The following KIF6 variants were observed in gnomAD, a reference collection of about 807,000 sequenced individuals.
The protein encoded by KIF6 is kinesin-like protein KIF6.
In KIF6, 106 loss-of-function variants were observed where a neutral mutation model predicts 112.7. The ratio of observed to expected loss-of-function variants is 0.94; its 90% CI spans 0.80 to 1.11. The LOEUF is 1.11. Among genes scored for constraint, KIF6 ranks in the 50% least tolerant of loss-of-function variants. The probability of loss-of-function intolerance (pLI) is 0.00; values close to 1 mark genes in which losing one functional copy is unlikely to be tolerated. For synonymous variants in KIF6, 339 were observed against 339.9 expected (o/e 1.00, Z 0.03); for missense variants, 929 against 964.0 (o/e 0.96, Z 0.48).
In KIF6 at chr6:39,488,387, C is replaced by G. The variant is rs573461012; in HGVS notation, c.1645+51616G>C. Among the ~76,000 whole-genome samples the G allele has an allele frequency of 2.6e-5, 4 of 152,326 alleles. No individual in the cohort carries two copies. The South Asian group carries it at 8.3e-4, about 32-fold the overall frequency. On this transcript the variant is annotated intron_variant, in intron 13 of 22. Coordinates refer to ENST00000287152, the MANE Select transcript of KIF6 (RefSeq NM_145027.6). ...GTTTGCCCTGTGGTTTCTGCATAGT[C>G]TGCTCCCCTGTCTTGGACTTGCTGT... is the stretch of plus-strand genomic sequence containing the variant.
chr6:39,719,436 A>G (rs370391765), intron 2 of KIF6, among the ~76,000 whole-genome samples: 1 of 152,222 alleles, frequency 6.6e-6, no homozygotes, highest in Admixed American at 6.5e-5. Context: ...GGGCCTTTGT[A>G]AAACAGTCTA....
intron 19 of KIF6, among the ~76,000 whole-genome samples, chr6:39,348,537 T>C (rs1763975150): frequency 1.3e-5 from 2 of 152,184 alleles, no homozygotes; most frequent in African/African-American, 2.4e-5. Flanking sequence ...GATGATGCCA[T>C]AAATGACCTC....
chr6:39,511,794 A>T (rs1189118421), intron 13 of KIF6, among the ~76,000 whole-genome samples: 1 of 152,176 alleles, frequency 6.6e-6, no homozygotes, highest in African/African-American at 2.4e-5. Context: ...CCTTTGAAGG[A>T]ACATAGATGA....
At chr6:39,454,531 C>CAAAA (rs560119968) in intron 13 of KIF6, among the ~76,000 whole-genome samples, 44 of 75,940 alleles carry the variant, frequency 5.8e-4, no homozygotes, top group African/African-American at 1.1e-3. Flanking sequence ...CTGAGAGCAT[C>CAAAA]AAAAAAAAAA....
chr6:39,513,459 C>T (rs541648027), intron 13 of KIF6, among the ~76,000 whole-genome samples: 1 of 152,220 alleles, frequency 6.6e-6, no homozygotes, highest in South Asian at 2.1e-4. Flanking sequence ...TTTCATGGGC[C>T]CCTGAGAGGG....
intron 19 of KIF6, among the ~76,000 whole-genome samples, chr6:39,352,327 C>T (rs779234430): frequency 1.2e-4 from 19 of 152,182 alleles, no homozygotes; most frequent in Non-Finnish European, 2.8e-4. Flanking sequence ...TTGTGCTGTA[C>T]AGCTCTATGG....
intron 3 of KIF6, among the ~76,000 whole-genome samples, chr6:39,696,445 C>T (rs1788543647): frequency 6.6e-6 from 1 of 152,076 alleles, no homozygotes; most frequent in Non-Finnish European, 1.5e-5. Context: ...AAAGATGGTG[C>T]AACGGCAAGG....
Position 39,419,986 on chromosome 6 carries a change from G to T in KIF6, c.1772C>A (p.Ala591Asp). The change falls in exon 15 of 23, where the codon GCC becomes GAC. Residue 591 changes from alanine to aspartate, a missense_variant. Ala to Asp is a moderately radical substitution (Grantham distance 126). Transcript: ENST00000287152. ...ILKQRFSEAK[A>D]LGESINEARS... is the part of the protein sequence containing the mutation. The stretch of plus-strand genomic sequence containing the variant: ...TGCTTCATTTATACTTTCTCCCAGG[G>T]CCTTGGCTTCAGAAAATCTGGAGGG... The T allele has an allele frequency of 6.2e-7, 1 of 1,613,060 alleles. No homozygotes were observed. Among genetic ancestry groups the T allele is most frequent in the Non-Finnish European group, 8.5e-7 (1 of 1,179,156 alleles).
chr6:39,563,467 T>C (rs1780118260), intron 10 of KIF6, among the ~76,000 whole-genome samples: 1 of 152,206 alleles, frequency 6.6e-6, no homozygotes, highest in South Asian at 2.1e-4. Context: ...TATTCCCAGA[T>C]CAATATGTAG....
Position 39,575,331 on chromosome 6 carries a change from C to T in KIF6, c.1181+2725G>A, listed in dbSNP as rs188738965. ...TGTTGCCCAGGCCGGAGTGCAGTGG[C>T]GCGATCTCGGCTCATTGCAAGCTCT... On this transcript the variant is annotated intron_variant, in intron 10 of 22. Transcript: ENST00000287152. Among the ~76,000 whole-genome samples the T allele has an allele frequency of 4.1e-3, 614 of 151,114 alleles. 7 individuals are homozygous for T. The highest frequency in any genetic ancestry group is 0.014 in the African/African-American group (571 of 41,060).
intron 14 of KIF6, among the ~76,000 whole-genome samples, chr6:39,426,801 T>TC (rs557931949): frequency 1.4e-4 from 22 of 152,144 alleles, no homozygotes; most frequent in Non-Finnish European, 1.9e-4. Flanking sequence ...CCACTCACTG[T>TC]CCCCTCCTGC....
intron 13 of KIF6, among the ~76,000 whole-genome samples, chr6:39,474,517 A>G (rs17353038): frequency 0.022 from 3,389 of 152,376 alleles, 68 homozygotes; most frequent in Non-Finnish European, 0.029. Context: ...CTTTACTTGC[A>G]TGAACGAAGG....
chr6:39,514,266 G>A (rs192501648), intron 13 of KIF6, among the ~76,000 whole-genome samples: 37 of 152,256 alleles, frequency 2.4e-4, no homozygotes, highest in African/African-American at 7.5e-4. Context: ...GTGAAAAGTC[G>A]AAGATTTTAA....
intron 10 of KIF6, chr6:39,555,070 C>T (rs1176613848): frequency 6.5e-6 from 1 of 153,394 alleles, no homozygotes; most frequent in African/African-American, 2.4e-5. Context: ...CCCCGCCCCC[C>T]TTCACTGCAC....
In KIF6 at chr6:39,342,190, C is replaced by T. The variant is rs140091611; in HGVS notation, c.2428+1519G>A. 1.9e-3 allele frequency among the ~76,000 whole-genome samples: 292 copies of T among 152,322 alleles called. 3 individuals carry two copies. Among genetic ancestry groups the T allele is most frequent in the African/African-American group, 1.9e-3 (80 of 41,580 alleles). On this transcript the variant is annotated intron_variant, in intron 22 of 22. Transcript: ENST00000287152. This position sits in a 1 kb window ranked among gnomAD's most constrained non-coding sequence, Gnocchi z 4.7. ...AGGACTGTGCATTCCCAGAACGCGG[C>T]GTAGCTGCTCCATTCTCATGATGCA...
At chr6:39,708,207 C>T (rs1789326334) in intron 3 of KIF6, among the ~76,000 whole-genome samples, 1 of 152,126 alleles carries the variant, frequency 6.6e-6, no homozygotes, top group African/African-American at 2.4e-5. Flanking sequence ...TGGTACTGCC[C>T]CCTGCCATGA....
intron 13 of KIF6, among the ~76,000 whole-genome samples, chr6:39,521,836 C>G (rs1327118354): frequency 6.6e-6 from 1 of 152,198 alleles, no homozygotes; most frequent in Non-Finnish European, 1.5e-5. Context: ...CTTACCAGGC[C>G]TGTACCCTCA....
At chr6:39,435,699 A>ACT (rs1771478598) in intron 13 of KIF6, among the ~76,000 whole-genome samples, 1 of 152,176 alleles carries the variant, frequency 6.6e-6, no homozygotes, top group African/African-American at 2.4e-5. Flanking sequence ...GCTGCAAAAG[A>ACT]CATTATTTTG....
Position 39,545,702 on chromosome 6 carries a change from A to C in KIF6, c.1182-14T>G. ...AGTTTTTCCAGCCTAAAAATACATA[A>C]TGTATGAGAAGCAACTGTGAGCTAG... On this transcript the variant is annotated splice_polypyrimidine_tract_variant and intron_variant, in intron 10 of 22. Transcript: ENST00000287152. 6.6e-7 allele frequency: 1 copy of C among 1,526,014 alleles called. No homozygotes were observed. The highest frequency in any genetic ancestry group is 9.1e-7 in the Non-Finnish European group (1 of 1,100,682). 94.5% of individuals were successfully genotyped at this position (1,526,014 alleles called of 1,614,324 possible).
Sources: gnomAD v4.1 joint callset for allele counts (sites outside exome capture counted in the v4.1 genomes callset) on GRCh38, gnomAD v4.1.1 for gene constraint, Gnocchi (gnomAD v3.1) non-coding constraint, MANE v1.5 for transcripts, NCBI Gene and HGNC (gene_info 2026-07-23, HGNC 2026-07-21) for gene names.